SH3RF2: variants seen among roughly 807,000 people sequenced by gnomAD.
The protein encoded by SH3RF2 is E3 ubiquitin-protein ligase SH3RF2.
A neutral mutation model predicts 59.0 loss-of-function variants in SH3RF2; 43 were observed. The observed-to-expected ratio is 0.73, with a 90% CI of 0.57 to 0.94. The LOEUF (loss-of-function observed/expected upper bound fraction) is 0.94. Ranked by LOEUF, SH3RF2 falls within the 40% of genes least tolerant of loss-of-function variation. The probability of loss-of-function intolerance (pLI) is 0.00; values close to 1 mark genes in which losing one functional copy is unlikely to be tolerated. For synonymous variants in SH3RF2, 391 were observed against 391.5 expected, an observed-to-expected ratio of 1.00 and a Z score of 0.01; for missense variants, 930 against 940.1, an observed-to-expected ratio of 0.99 and a Z score of 0.14.
intron 2 of SH3RF2, among the ~76,000 whole-genome samples, chr5:145,959,156 G>A (rs1758528090): frequency 6.6e-6 from 1 of 152,170 alleles, no homozygotes; most frequent in Non-Finnish European, 1.5e-5. Flanking sequence ...CTCCAGCTTT[G>A]TGGATATTGT....
At chr5:146,064,676 AAGAAAGAAAGAAAGAAAGAAAGAAAG>A (rs761717892), downstream of SH3RF2, among the ~76,000 whole-genome samples, 15,830 of 26,844 alleles carry the variant, frequency 0.59, 4,157 homozygotes, top group Non-Finnish European at 0.63. Flanking sequence ...GAAAGAAAGA[AAGAAAGAAAGAAAGAAAGAAAGAAAG>A]AAAGAAAGAA....
chr5:146,023,602 C>A (rs1761413456), intron 5 of SH3RF2, among the ~76,000 whole-genome samples: 2 of 152,154 alleles, frequency 1.3e-5, no homozygotes, highest in Admixed American at 6.5e-5. Context: ...GTACTAAGTA[C>A]TTGTTTTTTA....
chr5:146,019,624 T>C (rs921899557), intron 5 of SH3RF2, among the ~76,000 whole-genome samples: 1 of 152,112 alleles, frequency 6.6e-6, no homozygotes, highest in African/African-American at 2.4e-5. Flanking sequence ...AATTTTAGGA[T>C]TGCTTCTGTG....
intron 5 of SH3RF2, among the ~76,000 whole-genome samples, chr5:146,018,917 C>T (rs1417736558): frequency 1.3e-5 from 2 of 151,820 alleles, no homozygotes; most frequent in South Asian, 2.1e-4. Flanking sequence ...TTGTTGGCTG[C>T]TTATATATCT....
intron 8 of SH3RF2, among the ~76,000 whole-genome samples, chr5:146,057,964 C>CTCTCTA (rs1292201016): frequency 1.3e-5 from 1 of 78,398 alleles, no homozygotes; most frequent in African/African-American, 3.2e-5. Context: ...CTCTCTCTCT[C>CTCTCTA]TCTCTATCTA....
At chr5:145,957,486 C>T (rs977770094) in intron 2 of SH3RF2, among the ~76,000 whole-genome samples, 5 of 152,094 alleles carry the variant, frequency 3.3e-5, no homozygotes, top group Non-Finnish European at 7.4e-5. Flanking sequence ...CTTTACCTAT[C>T]GCTAACCTTA....
At position 146,009,063 on chromosome 5, in the gene SH3RF2, CA is replaced by C. The variant is rs548256602; in HGVS notation, c.745-4682del. Among the ~76,000 whole-genome samples, 4 of 152,284 alleles carry C rather than the reference CA, an allele frequency of 2.6e-5. No homozygotes were observed. In the South Asian group the frequency reaches 8.3e-4, roughly 32 times the overall value. On this transcript the variant is annotated intron_variant, in intron 4 of 9. Transcript: ENST00000359120. ...ACTGGAGTTGTTTTCCAGTTGTTGG[CA>C]ACTATGCATAAAACTGTTATAAACA... is the stretch of plus-strand genomic sequence containing the variant.
intron 5 of SH3RF2, among the ~76,000 whole-genome samples, chr5:146,027,086 T>C (rs1026634763): frequency 2.0e-5 from 3 of 152,200 alleles, no homozygotes; most frequent in Non-Finnish European, 4.4e-5. Flanking sequence ...GATGATCTGT[T>C]GGAGCCTGCT....
At chr5:145,955,714 C>T (rs1230509966) in intron 2 of SH3RF2, among the ~76,000 whole-genome samples, 1 of 152,158 alleles carries the variant, frequency 6.6e-6, no homozygotes, top group Non-Finnish European at 1.5e-5. Flanking sequence ...GGTACCTGAC[C>T]ATGCAGAGCT....
chr5:146,050,504 C>A (rs756859417), intron 7 of SH3RF2, among the ~76,000 whole-genome samples: 1 of 152,172 alleles, frequency 6.6e-6, no homozygotes, highest in Non-Finnish European at 1.5e-5. Context: ...AAGATCATAG[C>A]TTTTCCTTTC....
chr5:145,955,281 T>A (rs1758349588), intron 2 of SH3RF2, among the ~76,000 whole-genome samples: 1 of 152,168 alleles, frequency 6.6e-6, no homozygotes. Flanking sequence ...GAGGCCATCA[T>A]CCTAAGTGAA....
intron 5 of SH3RF2, among the ~76,000 whole-genome samples, chr5:146,024,351 C>T (rs539992307): frequency 5.9e-5 from 9 of 152,256 alleles, no homozygotes; most frequent in Admixed American, 2.6e-4. Flanking sequence ...TCTGTTCATG[C>T]GTTTATAGTG....
intron 5 of SH3RF2, among the ~76,000 whole-genome samples, chr5:146,033,807 G>A (rs146535102): frequency 3.3e-5 from 5 of 152,180 alleles, no homozygotes; most frequent in South Asian, 4.1e-4. Context: ...TGACACCCAC[G>A]TTTTGTGGAA....
intron 4 of SH3RF2, among the ~76,000 whole-genome samples, chr5:146,009,286 T>C (rs542592339): frequency 7.9e-5 from 12 of 152,174 alleles, no homozygotes; most frequent in Non-Finnish European, 1.5e-4. Context: ...TCCTATTATA[T>C]GTAGAATAAA....
chr5:145,961,690 G>A (rs1758638809), intron 2 of SH3RF2, among the ~76,000 whole-genome samples: 1 of 152,164 alleles, frequency 6.6e-6, no homozygotes, highest in Admixed American at 6.5e-5. Flanking sequence ...AGTTGATCAG[G>A]GCAGATGTGA....
intron 5 of SH3RF2, among the ~76,000 whole-genome samples, chr5:146,017,896 T>C (rs2906816): frequency 0.96 from 146,305 of 151,988 alleles, 70,684 homozygotes; most frequent in East Asian, 1. Flanking sequence ...ACCCAAATCC[T>C]TTCAGCCACT....
chr5:146,045,031 T>C (rs887343507), intron 5 of SH3RF2, among the ~76,000 whole-genome samples: 5 of 152,250 alleles, frequency 3.3e-5, no homozygotes, highest in African/African-American at 9.6e-5. Context: ...TAATGGTGTT[T>C]GTGGATAGCA....
Position 145,995,122 on chromosome 5 carries a change from T to C in SH3RF2, c.379-4936T>C, listed in dbSNP as rs141113042. On this transcript the variant is annotated intron_variant, in intron 2 of 9. Coordinates refer to ENST00000359120, the MANE Select transcript of SH3RF2 (RefSeq NM_152550.4). Reference sequence around the variant, plus strand: ...GTGGAAGCTCTGAAACCCAGGCCCCTTCCCTATTAGGTGTGGCCCTCGTCC... The same window carrying C: ...GTGGAAGCTCTGAAACCCAGGCCCCCTCCCTATTAGGTGTGGCCCTCGTCC... 4.6e-3 allele frequency among the ~76,000 whole-genome samples: 694 copies of C among 152,266 alleles called. 4 individuals are homozygous for C. Among genetic ancestry groups the C allele is most frequent in the Middle Eastern group, 0.017 (5 of 294 alleles).
chr5:145,984,233 A>C (rs1759615237), intron 2 of SH3RF2, among the ~76,000 whole-genome samples: 1 of 152,222 alleles, frequency 6.6e-6, no homozygotes, highest in African/African-American at 2.4e-5. Flanking sequence ...TAAGTCATAC[A>C]GCCTGCTGCT....
Sources: gnomAD v4.1 joint callset for allele counts (sites outside exome capture counted in the v4.1 genomes callset) on GRCh38, gnomAD v4.1.1 for gene constraint, MANE v1.5 for transcripts, NCBI Gene and HGNC (gene_info 2026-07-23, HGNC 2026-07-21) for gene names.